TMEM54: variants seen among roughly 807,000 people sequenced by gnomAD.
TMEM54 encodes the protein beta-casein-like protein.
In TMEM54, 21 loss-of-function variants were observed where a neutral mutation model predicts 21.3. The observed-to-expected ratio is 0.99, with a 90% CI of 0.70 to 1.42. TMEM54 has a LOEUF of 1.42. Among genes scored for constraint, TMEM54 ranks in the 40% most tolerant of loss-of-function variants. The pLI, the probability that TMEM54 is intolerant of heterozygous loss-of-function variation, is 0.00. For missense variants in TMEM54, 246 were observed against 294.0 expected (o/e 0.84, Z 1.19); for synonymous variants, 109 against 125.0 (o/e 0.87, Z 0.86).
At position 32,895,178 on chromosome 1, in the gene TMEM54, G is replaced by T; in HGVS notation, c.594+127C>A. 7.4e-7 allele frequency: 1 copy of T among 1,360,258 alleles called. No individual in the cohort carries two copies. Among genetic ancestry groups the T allele is most frequent in the Non-Finnish European group, 9.8e-7 (1 of 1,015,718 alleles). The allele number at this position is 1,360,258 out of a possible 1,614,324, so 84.3% of individuals were successfully genotyped here. ...CCTCCAGGCCTCTCCCTTTGCTCCT[G>T]GGGAGAAAACTTCTGCCCCATTTCT... is the stretch of plus-strand genomic sequence containing the variant. On this transcript the variant is annotated intron_variant, in intron 5 of 5. Transcript: ENST00000373463. This position sits in a 1 kb window ranked among gnomAD's most constrained non-coding sequence, Gnocchi z 5.8.
At position 32,895,198 on chromosome 1, in the gene TMEM54, A is replaced by G; in HGVS notation, c.594+107T>C. On this transcript the variant is annotated intron_variant, in intron 5 of 5. Transcript: ENST00000373463. This position sits in a 1 kb window ranked among gnomAD's most constrained non-coding sequence, Gnocchi z 5.8. ...CTCCTGGGGAGAAAACTTCTGCCCC[A>G]TTTCTCAAGGTGGGGGCCCATACAT... 7.0e-7 allele frequency: 1 copy of G among 1,433,800 alleles called. No individual in the cohort carries two copies. The highest frequency in any genetic ancestry group is 9.3e-7 in the Non-Finnish European group (1 of 1,077,052). The allele number at this position is 1,433,800 out of a possible 1,614,324, so 88.8% of individuals were successfully genotyped here.
At position 32,895,416 on chromosome 1, in the gene TMEM54, G is replaced by A. The variant is rs1454370869; in HGVS notation, c.483C>T (p.Gly161=). The A allele has an allele frequency of 4.3e-6, 7 of 1,613,202 alleles. No individual in the cohort carries two copies. The highest frequency in any genetic ancestry group is 5.1e-6 in the Non-Finnish European group (6 of 1,179,404). ...CCGCCACGCAGAGCACTAGGGCGAT[G>A]CCCCAGAGGCACAGGCTGGAGCTCT... ...RIYSSSLCLW[G]IALVLCVAEN... Residue 161 remains glycine, a synonymous_variant, in exon 5 of 6, where the codon GGC becomes GGT. Transcript: ENST00000373463. The surrounding 1 kb of genome is among the most constrained non-coding windows in gnomAD (Gnocchi z 5.8).
chr1:32,895,308 G>A lies in TMEM54; in HGVS notation c.591C>T (p.His197=). The part of the protein sequence containing the change: ...LRPWWGKSSH[H]MMRENPELVE... ...CAGGGCTGTGGAGGGAACTTACCAT[G>A]TGGTGGCTGCTTTTCCCCCACCAGG... is the stretch of plus-strand genomic sequence containing the variant. The change falls in exon 5 of 6, where the codon CAC becomes CAT. Residue 197 remains histidine (H), a synonymous_variant. Transcript: ENST00000373463. The surrounding 1 kb of genome is among the most constrained non-coding windows in gnomAD (Gnocchi z 5.8). The A allele has an allele frequency of 6.2e-7, 1 of 1,610,312 alleles. No homozygotes were observed. Among genetic ancestry groups the A allele is most frequent in the Non-Finnish European group, 8.5e-7 (1 of 1,177,442 alleles).
rs1489110172 is a variant in TMEM54, at chr1:32,896,928, T to G, written c.211-959A>C. 1.3e-5 allele frequency among the ~76,000 whole-genome samples: 2 copies of G among 152,274 alleles called. No homozygotes were observed. The highest frequency in any genetic ancestry group is 1.3e-4 in the Admixed American group (2 of 15,294). On this transcript the variant is annotated intron_variant, in intron 2 of 5. Coordinates refer to ENST00000373463, the MANE Select transcript of TMEM54 (RefSeq NM_033504.4). The surrounding 1 kb of genome is among the most constrained non-coding windows in gnomAD (Gnocchi z 4.1). The stretch of plus-strand genomic sequence containing the variant: ...ATAGTTTCCAATCTGGTTTGGCTTC[T>G]GTGTATCAGCAGGAGGTTGGGTGAA...
In TMEM54 at chr1:32,896,002, T is replaced by C. The variant is rs1252559630; in HGVS notation, c.211-33A>G. 2.5e-6 allele frequency: 4 copies of C among 1,603,076 alleles called. No homozygotes were observed. Among genetic ancestry groups the C allele is most frequent in the Admixed American group, 1.7e-5 (1 of 58,714 alleles). On this transcript the variant is annotated intron_variant, in intron 2 of 5. Coordinates refer to ENST00000373463, the MANE Select transcript of TMEM54 (RefSeq NM_033504.4). The surrounding 1 kb of genome is among the most constrained non-coding windows in gnomAD (Gnocchi z 4.1). The stretch of plus-strand genomic sequence containing the variant: ...GAAGGCTCAAGTCAGCCCTGACTCC[T>C]TGGCTGGAGGAACAGGGGCAGGGGG...
rs149039000 is a variant in TMEM54 at position 32,895,424 on chromosome 1, G to A, written c.475C>T (p.Leu159Phe). 19 of 1,612,894 alleles carry A rather than the reference G, an allele frequency of 1.2e-5. No individual in the cohort carries two copies. The African/African-American group carries it at 2.5e-4, about 22-fold the overall frequency. The change falls in exon 5 of 6, where the codon CTC (leucine) becomes TTC (phenylalanine). Residue 159 changes from leucine (L) to phenylalanine (F), a missense_variant. By Grantham distance (22) the Leu-to-Phe change is conservative. Transcript: ENST00000373463. This position sits in a 1 kb window ranked among gnomAD's most constrained non-coding sequence, Gnocchi z 5.8. ...CAGAGCACTAGGGCGATGCCCCAGA[G>A]GCACAGGCTGGAGCTCTGCGGGGCA... ...PTRIYSSSLC[L>F]WGIALVLCVA...
rs1300357685 is a variant in TMEM54, at chr1:32,895,175, C to T, written c.594+130G>A. Reference sequence around the variant, plus strand: ...CAGCCTCCAGGCCTCTCCCTTTGCTCCTGGGGAGAAAACTTCTGCCCCATT... The same window carrying T: ...CAGCCTCCAGGCCTCTCCCTTTGCTTCTGGGGAGAAAACTTCTGCCCCATT... On this transcript the variant is annotated intron_variant, in intron 5 of 5. Transcript: ENST00000373463. This position sits in a 1 kb window ranked among gnomAD's most constrained non-coding sequence, Gnocchi z 5.8. 7.4e-7 allele frequency: 1 copy of T among 1,357,700 alleles called. No individual in the cohort carries two copies. Among genetic ancestry groups the T allele is most frequent in the Non-Finnish European group, 9.9e-7 (1 of 1,013,834 alleles). The allele number at this position is 1,357,700 out of a possible 1,614,324, so 84.1% of individuals were successfully genotyped here.
In TMEM54 at chr1:32,895,639, C is replaced by G. The variant is rs1241088388; in HGVS notation, c.375G>C (p.Lys125Asn). Residue 125 changes from lysine to asparagine, a missense_variant, in exon 4 of 6, where the codon AAG becomes AAC. Lys to Asn is a moderately conservative substitution (Grantham distance 94). Transcript: ENST00000373463. This position sits in a 1 kb window ranked among gnomAD's most constrained non-coding sequence, Gnocchi z 5.8. ...SIAMTFATQG[K>N]ALLAACTFGS... ...CAAAAGTGCAGGCAGCCAGCAGTGC[C>G]TTGCCCTGGGTGGCAAAGGTCATGG... is the stretch of plus-strand genomic sequence containing the variant. The G allele has an allele frequency of 6.4e-7, 1 of 1,566,440 alleles. No homozygotes were observed. Among genetic ancestry groups the G allele is most frequent in the African/African-American group, 1.3e-5 (1 of 74,232 alleles).
At position 32,897,250 on chromosome 1, in the gene TMEM54, A is replaced by G. The variant is rs1641622760; in HGVS notation, c.210+876T>C. Among the ~76,000 whole-genome samples, 1 of 152,210 alleles carries G rather than the reference A, an allele frequency of 6.6e-6. No homozygotes were observed. The highest frequency in any genetic ancestry group is 6.5e-5 in the Admixed American group (1 of 15,278). ...CATTCTCCCAAGCCTTGAGGCCAGC[A>G]GGCTGTCTGAGCTTTATTTTGCAAG... On this transcript the variant is annotated intron_variant, in intron 2 of 5. Coordinates refer to ENST00000373463, the MANE Select transcript of TMEM54 (RefSeq NM_033504.4). The surrounding 1 kb of genome is among the most constrained non-coding windows in gnomAD (Gnocchi z 4.9).
At position 32,895,196 on chromosome 1, in the gene TMEM54, C is replaced by T; in HGVS notation, c.594+109G>A. ...TGCTCCTGGGGAGAAAACTTCTGCC[C>T]CATTTCTCAAGGTGGGGGCCCATAC... is the stretch of plus-strand genomic sequence containing the variant. On this transcript the variant is annotated intron_variant, in intron 5 of 5. Transcript: ENST00000373463. This position sits in a 1 kb window ranked among gnomAD's most constrained non-coding sequence, Gnocchi z 5.8. The T allele has an allele frequency of 7.0e-7, 1 of 1,428,798 alleles. No individual in the cohort carries two copies. Among genetic ancestry groups the T allele is most frequent in the African/African-American group, 1.4e-5 (1 of 69,774 alleles). The allele number at this position is 1,428,798 out of a possible 1,614,324, so 88.5% of individuals were successfully genotyped here.
chr1:32,899,354 G>A (rs930953397), intron 1 of TMEM54, among the ~76,000 whole-genome samples: 3 of 150,488 alleles, frequency 2.0e-5, no homozygotes, highest in Non-Finnish European at 4.4e-5. Context: ...GTGGTAGAGC[G>A]GTTTGGTCAT....
intron 1 of TMEM54, among the ~76,000 whole-genome samples, chr1:32,899,366 T>TTATA (rs1641673051): frequency 6.8e-6 from 1 of 147,238 alleles, no homozygotes; most frequent in East Asian, 2.0e-4. Flanking sequence ...TTTGGTCATA[T>TTATA]TTAATATACG....
rs1292403111 is a variant in TMEM54 at position 32,895,124 on chromosome 1, ACT to A, written c.594+179_594+180del. Among the ~76,000 whole-genome samples the A allele has an allele frequency of 6.6e-6, 1 of 151,628 alleles. No homozygotes were observed. The highest frequency in any genetic ancestry group is 2.4e-5 in the African/African-American group (1 of 41,236). ...AGGAGAGCCAGGTGTCAGCTGTGTG[ACT>A]CTGCTGGGAGATCTCACCTCTCCCA... On this transcript the variant is annotated intron_variant, in intron 5 of 5. Transcript: ENST00000373463. This position sits in a 1 kb window ranked among gnomAD's most constrained non-coding sequence, Gnocchi z 5.8.
chr1:32,895,005 C>A lies in TMEM54; in HGVS notation c.595-126G>T, dbSNP rs1641550965. The A allele has an allele frequency of 1.4e-6, 2 of 1,478,738 alleles. No homozygotes were observed. The highest frequency in any genetic ancestry group is 2.7e-5 in the South Asian group (2 of 74,406). 91.6% of individuals were successfully genotyped at this position (1,478,738 alleles called of 1,614,324 possible). A position where few individuals can be genotyped will look rare whatever the true frequency, so the allele number is the denominator to read the frequency against. On this transcript the variant is annotated intron_variant, in intron 5 of 5. Transcript: ENST00000373463. The surrounding 1 kb of genome is among the most constrained non-coding windows in gnomAD (Gnocchi z 5.8). Reference sequence around the variant, plus strand: ...TCTGGGGGCAAAGGGGCATCACTACCCACTCCACTGCAAGAGCCAGGCCTG... The same window carrying A: ...TCTGGGGGCAAAGGGGCATCACTACACACTCCACTGCAAGAGCCAGGCCTG...
chr1:32,897,815 T>C lies in TMEM54; in HGVS notation c.210+311A>G, dbSNP rs1324567878. ...TTCTGTCCAGTGGTGCTGTGGCTAT[T>C]CCTCGATGTAATAATCATCCTAGCT... On this transcript the variant is annotated intron_variant, in intron 2 of 5. Transcript: ENST00000373463. This position sits in a 1 kb window ranked among gnomAD's most constrained non-coding sequence, Gnocchi z 4.9. 1 of 255,446 alleles carries C rather than the reference T, an allele frequency of 3.9e-6. No homozygotes were observed. Among genetic ancestry groups the C allele is most frequent in the Non-Finnish European group, 7.6e-6 (1 of 132,308 alleles). 15.8% of individuals were successfully genotyped at this position (255,446 alleles called of 1,614,324 possible). A position where few individuals can be genotyped will look rare whatever the true frequency, so the allele number is the denominator to read the frequency against.
rs79902244 is a variant in TMEM54 at position 32,896,155 on chromosome 1, T to C, written c.211-186A>G. 4,807 of 599,422 alleles carry C rather than the reference T, an allele frequency of 8.0e-3. 44 individuals carry two copies. The highest frequency in any genetic ancestry group is 0.025 in the African/African-American group (1,332 of 53,784). 37.1% of individuals were successfully genotyped at this position (599,422 alleles called of 1,614,324 possible). A position where few individuals can be genotyped will look rare whatever the true frequency, so the allele number is the denominator to read the frequency against. ...TGCCTCCTCATAGTCCAGCCTGACA[T>C]GATGTTTCTAAAACAGTCACTCCCT... On this transcript the variant is annotated intron_variant, in intron 2 of 5. Coordinates refer to ENST00000373463, the MANE Select transcript of TMEM54 (RefSeq NM_033504.4). The surrounding 1 kb of genome is among the most constrained non-coding windows in gnomAD (Gnocchi z 4.1).
chr1:32,898,565 C>T, intron 1 of TMEM54: 3 of 455,496 alleles, frequency 6.6e-6, no homozygotes, highest in Non-Finnish European at 1.2e-5. Flanking sequence ...AGCAGTAGCA[C>T]TTGTTAGTGT....
At position 32,898,118 on chromosome 1, in the gene TMEM54, G is replaced by A. The variant is rs1360757560; in HGVS notation, c.210+8C>T. The A allele has an allele frequency of 1.3e-6, 2 of 1,587,806 alleles. No individual in the cohort carries two copies. The highest frequency in any genetic ancestry group is 2.7e-5 in the African/African-American group (2 of 74,506). ...CTCCCACCAACCACCCTCCCAGCCTGGCCATACCACGATGGCGGAAGTGAC... is the reference window on the plus strand; with the variant it reads ...CTCCCACCAACCACCCTCCCAGCCTAGCCATACCACGATGGCGGAAGTGAC... On this transcript the variant is annotated splice_region_variant and intron_variant, in intron 2 of 5. Transcript: ENST00000373463.
In TMEM54 at chr1:32,895,749, C is replaced by T. The variant is rs550420854; in HGVS notation, c.271-6G>A. On this transcript the variant is annotated splice_region_variant and splice_polypyrimidine_tract_variant and intron_variant, in intron 3 of 5. Transcript: ENST00000373463. This position sits in a 1 kb window ranked among gnomAD's most constrained non-coding sequence, Gnocchi z 5.8. ...GAGCTAAACACTGTCCAGCGCTGGA[C>T]GGGGGAGGCCACTGGTCAATGGGCG... 119 of 1,553,362 alleles carry T rather than the reference C, an allele frequency of 7.7e-5. No homozygotes were observed. In the South Asian group the frequency reaches 1.1e-3, roughly 14 times the overall value.
Sources: allele counts gnomAD v4.1 joint callset (sites outside exome capture counted in the v4.1 genomes callset), GRCh38; gene constraint gnomAD v4.1.1; non-coding constraint Gnocchi (gnomAD v3.1); transcripts MANE v1.5; gene names NCBI Gene and HGNC (gene_info 2026-07-23, HGNC 2026-07-21).